MTA1: variants seen among roughly 807,000 people sequenced by gnomAD.
MTA1 encodes the protein metastasis associated 1.
A neutral mutation model predicts 97.0 loss-of-function variants in MTA1; 15 were observed. That is an observed-to-expected ratio of 0.15 (90% CI 0.10 to 0.24). The LOEUF (loss-of-function observed/expected upper bound fraction) is 0.24. Among genes scored for constraint, MTA1 ranks in the 10% least tolerant of loss-of-function variants. The probability of loss-of-function intolerance (pLI) is 1.00; values close to 1 mark genes in which losing one functional copy is unlikely to be tolerated. For missense variants in MTA1, 709 were observed against 1,015.1 expected (o/e 0.70, Z 4.10); for synonymous variants, 435 against 417.5 (o/e 1.04, Z -0.51).
At chr14:105,455,150 C>T (rs1220371352) in intron 7 of MTA1, among the ~76,000 whole-genome samples, 2 of 152,160 alleles carry the variant, frequency 1.3e-5, no homozygotes, top group Non-Finnish European at 2.9e-5. Context: ...AAGTGATCTA[C>T]CTGCTTCGAC....
chr14:105,438,743 C>T lies in MTA1; in HGVS notation c.96+4C>T, dbSNP rs933280914. 1 of 1,612,516 alleles carries T rather than the reference C, an allele frequency of 6.2e-7. No individual in the cohort carries two copies. The highest frequency in any genetic ancestry group is 2.2e-5 in the East Asian group (1 of 44,870). On this transcript the variant is annotated splice_donor_region_variant and intron_variant, in intron 2 of 20. Transcript: ENST00000331320. ...GAGAATCGAGGAGCTCAACAAGGTACTGGGGGGCCCTGGTGTTGCTGCAGG... is the reference window on the plus strand; with the variant it reads ...GAGAATCGAGGAGCTCAACAAGGTATTGGGGGGCCCTGGTGTTGCTGCAGG...
intron 1 of MTA1, among the ~76,000 whole-genome samples, chr14:105,436,033 CTG>C (rs2082314796): frequency 1.3e-5 from 2 of 152,200 alleles, no homozygotes; most frequent in African/African-American, 4.8e-5. Context: ...CTTTGGGAGA[CTG>C]AGGCAGGTGG....
At chr14:105,453,055 AT>A (rs1555429065) in intron 6 of MTA1, among the ~76,000 whole-genome samples, 12 of 152,272 alleles carry the variant, frequency 7.9e-5, no homozygotes, top group African/African-American at 1.2e-4. Context: ...TTCAAAAATC[AT>A]CAGAACCAGC....
At chr14:105,444,086 T>TTAAAA (rs1555426468) in intron 2 of MTA1, among the ~76,000 whole-genome samples, 1 of 131,176 alleles carries the variant, frequency 7.6e-6, no homozygotes, top group African/African-American at 3.0e-5. Context: ...AGACTCCATC[T>TTAAAA]AAAAAGGCCG....
In MTA1 at chr14:105,463,360, A is replaced by G; in HGVS notation, c.1017+102A>G. 6.7e-7 allele frequency: 1 copy of G among 1,499,746 alleles called. No individual in the cohort carries two copies. The highest frequency in any genetic ancestry group is 9.3e-7 in the Non-Finnish European group (1 of 1,080,564). 92.9% of individuals were successfully genotyped at this position (1,499,746 alleles called of 1,614,324 possible). On this transcript the variant is annotated intron_variant, in intron 11 of 20. Transcript: ENST00000331320. This position sits in a 1 kb window ranked among gnomAD's most constrained non-coding sequence, Gnocchi z 5.9. ...CGTGCACTGCTGCAGCAGGAGGGGA[A>G]GGAAGACTCCTGAGTCCCTGGCCCG...
At chr14:105,421,318 G>A (rs587752055) in intron 1 of MTA1, among the ~76,000 whole-genome samples, 67 of 152,250 alleles carry the variant, frequency 4.4e-4, no homozygotes, top group Admixed American at 4.3e-3. Flanking sequence ...GCCTGGGTGC[G>A]GGGTCCCTCG....
intron 3 of MTA1, 24 bp from the exon 4 acceptor site, chr14:105,449,335 G>A (rs2082833479): frequency 1.2e-6 from 2 of 1,609,780 alleles, no homozygotes; most frequent in Non-Finnish European, 1.7e-6. Context: ...CCGTGCTGCC[G>A]GGTGCTGTCT....
At position 105,462,495 on chromosome 14, in the gene MTA1, C is replaced by T. The variant is rs187655765; in HGVS notation, c.943-689C>T. Among the ~76,000 whole-genome samples, 25 of 151,234 alleles carry T rather than the reference C, an allele frequency of 1.7e-4. No individual in the cohort carries two copies. In the East Asian group the frequency reaches 3.7e-3, roughly 22 times the overall value. ...GAGGCAGGAGAATCACTTGAACCCC[C>T]GGGGGTGGAAGTTGCTGTGAGCCGA... On this transcript the variant is annotated intron_variant, in intron 10 of 20. Transcript: ENST00000331320.
chr14:105,420,021 G>A lies in MTA1; in HGVS notation c.-15G>A. 4.8e-6 allele frequency: 5 copies of A among 1,048,332 alleles called. No homozygotes were observed. The highest frequency in any genetic ancestry group is 1.8e-5 in the African/African-American group (1 of 55,838). The allele number at this position is 1,048,332 out of a possible 1,614,324, so 64.9% of individuals were successfully genotyped here. ...CGCGCCCGCCCCGGGCCCCTCCGCC[G>A]CCGCCGGCCCGGACATGGCCGCCAA... On this transcript the variant is annotated 5_prime_UTR_variant, in exon 1 of 21. Coordinates refer to ENST00000331320, the MANE Select transcript of MTA1 (RefSeq NM_004689.4). The surrounding 1 kb of genome is among the most constrained non-coding windows in gnomAD (Gnocchi z 5.3).
rs782023544 is a variant in MTA1, at chr14:105,464,722, A to G, written c.1393A>G (p.Met465Val). The G allele has an allele frequency of 6.2e-7, 1 of 1,608,406 alleles. No individual in the cohort carries two copies. The highest frequency in any genetic ancestry group is 1.1e-5 in the South Asian group (1 of 90,934). The change falls in exon 15 of 21, where the codon ATG becomes GTG. Residue 465 changes from methionine (M) to valine (V), a missense_variant. Physicochemically the swap from Met to Val is conservative, Grantham distance 21. Transcript: ENST00000331320. ...GAGCAGCGGGAGCCCCAAGTTTGCC[A>G]TGAAGACCAGGCAGGCTTTCTATCT... Reference protein sequence around the residue: ...ARSSGSPKFAMKTRQAFYLHT... With the variant: ...ARSSGSPKFAVKTRQAFYLHT...
At chr14:105,437,555 A>C (rs1038195455) in intron 1 of MTA1, among the ~76,000 whole-genome samples, 3 of 152,206 alleles carry the variant, frequency 2.0e-5, no homozygotes, top group Non-Finnish European at 4.4e-5. Flanking sequence ...GTGTGCCAGC[A>C]GCAGGAGGGA....
intron 2 of MTA1, among the ~76,000 whole-genome samples, chr14:105,441,781 G>C (rs587662788): frequency 1.3e-4 from 20 of 152,116 alleles, no homozygotes; most frequent in African/African-American, 4.8e-4. Context: ...GCGACAGAGC[G>C]AGACTCTGTC....
chr14:105,448,628 C>T (rs1363711901), intron 3 of MTA1, among the ~76,000 whole-genome samples: 1 of 152,230 alleles, frequency 6.6e-6, no homozygotes, highest in Non-Finnish European at 1.5e-5. Flanking sequence ...CTGGTCGGCC[C>T]TGCCCTGTTC....
In MTA1 at chr14:105,469,629, G is replaced by C. The variant is rs879966240; in HGVS notation, c.1845+131G>C. The C allele has an allele frequency of 1.8e-5, 22 of 1,252,060 alleles. No homozygotes were observed. In the South Asian group the frequency reaches 2.2e-4, roughly 13 times the overall value. The allele number at this position is 1,252,060 out of a possible 1,614,324, so 77.6% of individuals were successfully genotyped here. On this transcript the variant is annotated intron_variant, in intron 19 of 20. Coordinates refer to ENST00000331320, the MANE Select transcript of MTA1 (RefSeq NM_004689.4). ...CAGGAGGCCTGGCAAGACCAGAGGG[G>C]CTGCAGCATGTGGGGGCCATGGCCC...
intron 6 of MTA1, among the ~76,000 whole-genome samples, chr14:105,453,955 T>G (rs587664672): frequency 7.9e-5 from 12 of 152,322 alleles, no homozygotes; most frequent in African/African-American, 2.9e-4. Context: ...GTCTCCTCCG[T>G]GCAGTGTCAT....
At chr14:105,449,032 G>A (rs948907180) in intron 3 of MTA1, 4 of 301,094 alleles carry the variant, frequency 1.3e-5, no homozygotes, top group Admixed American at 5.2e-5. Context: ...GCCGGTGCCC[G>A]GCCCCGGTCT....
In MTA1 at chr14:105,469,908, G is replaced by T. The variant is rs2083763746; in HGVS notation, c.1913G>T (p.Gly638Val). The T allele has an allele frequency of 6.2e-7, 1 of 1,611,748 alleles. No homozygotes were observed. The highest frequency in any genetic ancestry group is 8.5e-7 in the Non-Finnish European group (1 of 1,179,518). Residue 638 changes from glycine (G) to valine (V), a missense_variant, in exon 20 of 21, where the codon GGC (glycine) becomes GTC (valine). Gly to Val is a moderately radical substitution (Grantham distance 109, BLOSUM62 -3). This residue lies in a region of MTA1 where 388 missense variants were observed against 421.6 expected (regional missense o/e 0.92). Coordinates refer to ENST00000331320, the MANE Select transcript of MTA1 (RefSeq NM_004689.4). ...ACCAAAGTGCGCCTGATCCGGGGGGGCTCCCTGCCCCCAGTCAAGCGGCGG... is the reference window on the plus strand; with the variant it reads ...ACCAAAGTGCGCCTGATCCGGGGGGTCTCCCTGCCCCCAGTCAAGCGGCGG... ...YPTKVRLIRG[G>V]SLPPVKRRRM...
At chr14:105,429,771 T>TTTTTTTTTTTC (rs2082125130) in intron 1 of MTA1, among the ~76,000 whole-genome samples, 1 of 137,698 alleles carries the variant, frequency 7.3e-6, no homozygotes, top group Non-Finnish European at 1.5e-5. Flanking sequence ...TTTTTTTTTT[T>TTTTTTTTTTTC]TTGGTGACCA....
intron 10 of MTA1, 149 bp downstream of exon 10, chr14:105,461,102 AGC>A: frequency 1.2e-6 from 1 of 852,230 alleles, no homozygotes. Flanking sequence ...GTTCTGTCTC[AGC>A]TGCGCTCGGC....
Sources: allele counts gnomAD v4.1 joint callset (sites outside exome capture counted in the v4.1 genomes callset), GRCh38; gene constraint gnomAD v4.1.1; regional missense constraint gnomAD v4.1.1; non-coding constraint Gnocchi (gnomAD v3.1); transcripts MANE v1.5; gene names NCBI Gene and HGNC (gene_info 2026-07-23, HGNC 2026-07-21).